Variants in SDK2 observed in about 807,000 individuals in gnomAD.
The protein encoded by SDK2 is protein sidekick-2.
SDK2 carries 105 observed loss-of-function variants against 253.9 expected under a neutral mutation model. The ratio of observed to expected loss-of-function variants is 0.41; its 90% CI spans 0.35 to 0.49. SDK2 has a LOEUF of 0.49. Among genes scored for constraint, SDK2 ranks in the 20% least tolerant of loss-of-function variants. The pLI is 0.06. For synonymous variants in SDK2, 1,249 were observed against 1,234.9 expected, an observed-to-expected ratio of 1.01 and a Z score of -0.24; for missense variants, 2,608 against 3,003.0, an observed-to-expected ratio of 0.87 and a Z score of 3.07.
At chr17:73,401,610 C>T (rs74657905) in intron 20 of SDK2, 44 bp downstream of exon 20, 102,099 of 1,513,706 alleles carry the variant, frequency 0.067, 4,025 homozygotes, top group Non-Finnish European at 0.077. Context: ...TGACCTTTCC[C>T]AGCCCTGTCC....
At chr17:73,614,592 T>C (rs147191964) in intron 1 of SDK2, among the ~76,000 whole-genome samples, 2,665 of 38,528 alleles carry the variant, frequency 0.069, 209 homozygotes, top group Middle Eastern at 0.12. Flanking sequence ...GGGAGGGGCA[T>C]AAGGATTGAA....
intron 15 of SDK2, among the ~76,000 whole-genome samples, chr17:73,421,032 G>GACTCAC (rs990742562): frequency 6.6e-6 from 1 of 152,234 alleles, no homozygotes; most frequent in African/African-American, 2.4e-5. Context: ...TCAGTGTGAT[G>GACTCAC]CGGTGCAGCC....
chr17:73,483,102 G>T (rs984093329), intron 2 of SDK2, among the ~76,000 whole-genome samples: 1 of 151,848 alleles, frequency 6.6e-6, no homozygotes, highest in Non-Finnish European at 1.5e-5. Flanking sequence ...GCCCTGACCC[G>T]TCCTGGGGCC....
chr17:73,386,321 G>A, intron 31 of SDK2, 124 bp downstream of exon 31: 1 of 726,132 alleles, frequency 1.4e-6, no homozygotes, highest in South Asian at 1.6e-5. Context: ...CCCGGGAGCT[G>A]AAGGGCCCAG....
chr17:73,607,456 G>C (rs1429388649), intron 1 of SDK2, among the ~76,000 whole-genome samples: 13 of 152,094 alleles, frequency 8.5e-5, no homozygotes, highest in Admixed American at 8.5e-4. Flanking sequence ...TCTACCGGGG[G>C]ACCCTTAAGA....
chr17:73,575,416 G>A lies in SDK2; in HGVS notation c.65-67819C>T, dbSNP rs115940472. On this transcript the variant is annotated intron_variant, in intron 1 of 44. Coordinates refer to ENST00000392650, the MANE Select transcript of SDK2 (RefSeq NM_001144952.2). ...TTCATTCACCAGGTATTTCCAGAAC[G>A]CCTGCCAGTTCCAGGCATCATGTGA... Among the ~76,000 whole-genome samples the A allele has an allele frequency of 7.4e-3, 1,129 of 152,300 alleles. 19 individuals are homozygous for A. The highest frequency in any genetic ancestry group is 0.026 in the African/African-American group (1,072 of 41,552).
chr17:73,614,866 C>G (rs1356072889), intron 1 of SDK2, among the ~76,000 whole-genome samples: 2 of 151,516 alleles, frequency 1.3e-5, no homozygotes, highest in Non-Finnish European at 2.9e-5. Flanking sequence ...GAAAAACTAC[C>G]TATCAGGTAC....
At chr17:73,503,945 T>C (rs988007839) in intron 2 of SDK2, among the ~76,000 whole-genome samples, 1 of 152,158 alleles carries the variant, frequency 6.6e-6, no homozygotes, top group African/African-American at 2.4e-5. Flanking sequence ...TCATGACTCA[T>C]GAAGTATGAA....
chr17:73,533,245 T>C (rs1417982016), intron 1 of SDK2, among the ~76,000 whole-genome samples: 1 of 152,198 alleles, frequency 6.6e-6, no homozygotes, highest in African/African-American at 2.4e-5. Flanking sequence ...TCAGCATCCC[T>C]GGTCCCGCAG....
At chr17:73,588,910 A>C (rs935259325) in intron 1 of SDK2, among the ~76,000 whole-genome samples, 1 of 152,212 alleles carries the variant, frequency 6.6e-6, no homozygotes, top group Non-Finnish European at 1.5e-5. Flanking sequence ...CACTTTACAG[A>C]AGGCGCCAGA....
Position 73,598,756 on chromosome 17 carries a change from A to G in SDK2, c.64+45269T>C, listed in dbSNP as rs373774461. On this transcript the variant is annotated intron_variant, in intron 1 of 44. Transcript: ENST00000392650. The stretch of plus-strand genomic sequence containing the variant: ...CTAGCTGTATACCTATGTCCCCTCC[A>G]GCAGGGGAAGGTGGGAGAGGCACTG... Among the ~76,000 whole-genome samples the G allele has an allele frequency of 1.1e-4, 17 of 152,092 alleles. No homozygotes were observed. In the East Asian group the frequency reaches 3.1e-3, roughly 28 times the overall value.
At chr17:73,340,935 G>T (rs758551367) in intron 44 of SDK2, among the ~76,000 whole-genome samples, 20 of 151,514 alleles carry the variant, frequency 1.3e-4, no homozygotes, top group Non-Finnish European at 2.2e-4. Context: ...GTAGAGATGG[G>T]GTTTCGCCAT....
intron 2 of SDK2, among the ~76,000 whole-genome samples, chr17:73,506,613 C>T (rs1335587673): frequency 3.9e-5 from 6 of 152,258 alleles, no homozygotes; most frequent in African/African-American, 1.4e-4. Context: ...GCAAGACAAT[C>T]TTGTTTCCCC....
intron 1 of SDK2, among the ~76,000 whole-genome samples, chr17:73,590,057 AGAC>A: frequency 6.6e-6 from 1 of 152,380 alleles, no homozygotes; most frequent in African/African-American, 2.4e-5. Context: ...AGCCAGTTAC[AGAC>A]TCTTACATGC....
rs2145609448 is a variant in SDK2 at position 73,431,710 on chromosome 17, A to G, written c.1313-41T>C. ...GGTGGGGGTCAGCCTGTAGCCCCCA[A>G]GGGCACACCCTGCCCTTCCCTGGCC... is the stretch of plus-strand genomic sequence containing the variant. On this transcript the variant is annotated intron_variant, in intron 10 of 44. Transcript: ENST00000392650. This position sits in a 1 kb window ranked among gnomAD's most constrained non-coding sequence, Gnocchi z 5.6. 1 of 1,553,440 alleles carries G rather than the reference A, an allele frequency of 6.4e-7. No homozygotes were observed.
Position 73,440,935 on chromosome 17 carries a change from T to A in SDK2, c.614-12A>T, listed in dbSNP as rs1246761239. ...AGGCCCCCCTACATCTGGAGAGAGA[T>A]CAGATGTTAGCTGGGGGCGAGGCTG... On this transcript the variant is annotated splice_polypyrimidine_tract_variant and intron_variant, in intron 5 of 44. Transcript: ENST00000392650. The A allele has an allele frequency of 6.6e-7, 1 of 1,526,112 alleles. No individual in the cohort carries two copies. The highest frequency in any genetic ancestry group is 8.9e-7 in the Non-Finnish European group (1 of 1,124,756). The allele number at this position is 1,526,112 out of a possible 1,614,324, so 94.5% of individuals were successfully genotyped here.
chr17:73,444,119 G>A (rs752489620), intron 5 of SDK2, among the ~76,000 whole-genome samples: 1 of 152,218 alleles, frequency 6.6e-6, no homozygotes, highest in Non-Finnish European at 1.5e-5. Context: ...CCCTCCTGGA[G>A]ATTTGCCTGC....
Position 73,394,329 on chromosome 17 carries a change from G to T in SDK2, c.3593-5C>A, listed in dbSNP as rs1018377143. 18 of 1,560,854 alleles carry T rather than the reference G, an allele frequency of 1.2e-5. No homozygotes were observed. The highest frequency in any genetic ancestry group is 1.4e-5 in the Non-Finnish European group (16 of 1,148,562). On this transcript the variant is annotated splice_region_variant and splice_polypyrimidine_tract_variant and intron_variant, in intron 25 of 44. Coordinates refer to ENST00000392650, the MANE Select transcript of SDK2 (RefSeq NM_001144952.2). ...TGGTGGGGCCGGAAGAGGGAACTGT[G>T]GGGGAAAGGGAGTGGAGAGAAGGCA... is the stretch of plus-strand genomic sequence containing the variant.
chr17:73,471,145 T>C (rs987763402), intron 3 of SDK2, among the ~76,000 whole-genome samples: 1 of 152,154 alleles, frequency 6.6e-6, no homozygotes, highest in East Asian at 1.9e-4. Flanking sequence ...CACTTCACTC[T>C]CTGCCCCCCA....
Sources: allele counts gnomAD v4.1 joint callset (sites outside exome capture counted in the v4.1 genomes callset), GRCh38; gene constraint gnomAD v4.1.1; non-coding constraint Gnocchi (gnomAD v3.1); transcripts MANE v1.5; gene names NCBI Gene and HGNC (gene_info 2026-07-23, HGNC 2026-07-21).